MAP1B: variants seen among roughly 807,000 people sequenced by gnomAD.
MAP1B encodes the protein microtubule-associated protein 1B.
In MAP1B, 12 loss-of-function variants were observed where a neutral mutation model predicts 176.1. The observed-to-expected ratio is 0.07, with a 90% CI of 0.04 to 0.11. The LOEUF is 0.11. Ranked by LOEUF, MAP1B falls within the 10% of genes least tolerant of loss-of-function variation. The pLI, the probability that MAP1B is intolerant of heterozygous loss-of-function variation, is 1.00. For missense variants in MAP1B, 2,523 were observed against 2,990.5 expected (o/e 0.84, Z 3.65); for synonymous variants, 1,044 against 1,135.0 (o/e 0.92, Z 1.61).
At chr5:72,130,262 C>T (rs1437072451) in intron 2 of MAP1B, among the ~76,000 whole-genome samples, 9 of 151,624 alleles carry the variant, frequency 5.9e-5, no homozygotes, top group Non-Finnish European at 8.8e-5. Flanking sequence ...TTAATCTTTC[C>T]GAATTCTAAC....
intron 2 of MAP1B, among the ~76,000 whole-genome samples, chr5:72,162,295 C>T (rs2337693): frequency 0.45 from 68,979 of 152,020 alleles, 16,569 homozygotes; most frequent in South Asian, 0.6. Flanking sequence ...GTAAAAGTCA[C>T]TGTCAGTGTG....
chr5:72,147,808 A>G (rs1746073055), intron 2 of MAP1B, among the ~76,000 whole-genome samples: 1 of 152,174 alleles, frequency 6.6e-6, no homozygotes. Context: ...TGCCTGGGAA[A>G]CTTGCTGACT....
rs1431464043 is a variant in MAP1B at position 72,119,007 on chromosome 5, T to C, written c.286+3208T>C. 5.3e-5 allele frequency among the ~76,000 whole-genome samples: 8 copies of C among 152,334 alleles called. No individual in the cohort carries two copies. The South Asian group carries it at 1.2e-3, about 24-fold the overall frequency. ...TATCCCTTATACTAGTTTTTAAATA[T>C]GGTTTTGAGATTTGATTTGACTATT... On this transcript the variant is annotated intron_variant, in intron 2 of 6. Coordinates refer to ENST00000296755, the MANE Select transcript of MAP1B (RefSeq NM_005909.5).
At chr5:72,123,779 C>T (rs769144189) in intron 2 of MAP1B, among the ~76,000 whole-genome samples, 32 of 152,198 alleles carry the variant, frequency 2.1e-4, no homozygotes, top group African/African-American at 3.9e-4. Context: ...CCACCGCACC[C>T]GGCCTATGCC....
At chr5:72,113,080 A>T (rs940743831) in intron 1 of MAP1B, among the ~76,000 whole-genome samples, 3 of 152,164 alleles carry the variant, frequency 2.0e-5, no homozygotes, top group African/African-American at 7.2e-5. Flanking sequence ...AACTACATAA[A>T]CCTACTAAAT....
chr5:72,160,256 T>C (rs1215630068), intron 2 of MAP1B, among the ~76,000 whole-genome samples: 1 of 152,040 alleles, frequency 6.6e-6, no homozygotes, highest in African/African-American at 2.4e-5. Flanking sequence ...AAACTTTCTG[T>C]ATTCATTCCG....
chr5:72,124,759 C>G (rs932404408), intron 2 of MAP1B, among the ~76,000 whole-genome samples: 1 of 152,216 alleles, frequency 6.6e-6, no homozygotes. Flanking sequence ...CACTGTTGAG[C>G]ATTGTGGCTC....
chr5:72,171,154 T>C (rs1354608424), intron 2 of MAP1B, among the ~76,000 whole-genome samples: 1 of 151,842 alleles, frequency 6.6e-6, no homozygotes, highest in Admixed American at 6.6e-5. Context: ...GGAAAAAGGG[T>C]AAAGAGGAAA....
chr5:72,195,686 G>C lies in MAP1B; in HGVS notation c.2331G>C (p.Lys777Asn), dbSNP rs1478110489. The C allele has an allele frequency of 6.2e-7, 1 of 1,614,208 alleles. No homozygotes were observed. Among genetic ancestry groups the C allele is most frequent in the Non-Finnish European group, 8.5e-7 (1 of 1,180,028 alleles). Residue 777 changes from lysine to asparagine, a missense_variant, in exon 5 of 7, where the codon AAG (lysine) becomes AAC (asparagine). Lys to Asn is a moderately conservative substitution (Grantham distance 94). Around this residue, in one of 4 missense-constraint regions of MAP1B, gnomAD observed 1,925 missense variants for 2,126.0 expected, o/e 0.91. Coordinates refer to ENST00000296755, the MANE Select transcript of MAP1B (RefSeq NM_005909.5). ...KKDSVAAGKP[K>N]EKGKIKVIKK... ...ATTCTGTTGCTGCCGGAAAGCCAAAGGAGAAGGGGAAAATAAAAGTCATTA... is the reference window on the plus strand; with the variant it reads ...ATTCTGTTGCTGCCGGAAAGCCAAACGAGAAGGGGAAAATAAAAGTCATTA...
At position 72,195,153 on chromosome 5, in the gene MAP1B, C is replaced by T; in HGVS notation, c.1798C>T (p.Pro600Ser). Residue 600 changes from proline to serine, a missense_variant, in exon 5 of 7, where the codon CCT becomes TCT. Pro to Ser is a moderately conservative substitution (Grantham distance 74). Around this residue, in one of 4 missense-constraint regions of MAP1B, gnomAD observed 1,925 missense variants for 2,126.0 expected, o/e 0.91. Coordinates refer to ENST00000296755, the MANE Select transcript of MAP1B (RefSeq NM_005909.5). ...CAAGCCAATAAAAACAGAGACCAAA[C>T]CTTCAGTGACTGAAAAGGAGGTTCC... ...KDKPIKTETK[P>S]SVTEKEVPSK... 2 of 1,613,432 alleles carry T rather than the reference C, an allele frequency of 1.2e-6. No homozygotes were observed. The highest frequency in any genetic ancestry group is 1.7e-6 in the Non-Finnish European group (2 of 1,179,728).
rs11330287 is a variant in MAP1B at position 72,155,766 on chromosome 5, C to CTTTTT, written c.287-27963_287-27959dup. Among the ~76,000 whole-genome samples, 184 of 126,456 alleles carry CTTTTT rather than the reference C, an allele frequency of 1.5e-3. 1 individual carries two copies. Among genetic ancestry groups the CTTTTT allele is most frequent in the Non-Finnish European group, 1.9e-3 (118 of 60,600 alleles). 83.0% of individuals were successfully genotyped at this position (126,456 alleles called of 152,430 possible). A position where few individuals can be genotyped will look rare whatever the true frequency, so the allele number is the denominator to read the frequency against. ...GTAATTGATTGATTGATTTTCTTTT[C>CTTTTT]TTTTTTTTTTTTTTTTTTGAGACGG... On this transcript the variant is annotated intron_variant, in intron 2 of 6. Transcript: ENST00000296755.
At chr5:72,109,120 T>G (rs543348036) in intron 1 of MAP1B, among the ~76,000 whole-genome samples, 1 of 152,150 alleles carries the variant, frequency 6.6e-6, no homozygotes, top group Non-Finnish European at 1.5e-5. Context: ...GTCATCTGCC[T>G]CTGCAGTTGG....
At position 72,198,357 on chromosome 5, in the gene MAP1B, G is replaced by A; in HGVS notation, c.5002G>A (p.Asp1668Asn). The A allele has an allele frequency of 6.2e-7, 1 of 1,614,188 alleles. No individual in the cohort carries two copies. The highest frequency in any genetic ancestry group is 8.5e-7 in the Non-Finnish European group (1 of 1,180,030). ...LAMDFSRQSP[D>N]HPTVGAGVLH... ...TATGGACTTCAGTCGACAGTCTCCA[G>A]ATCACCCTACAGTGGGTGCAGGCGT... Residue 1668 changes from aspartate to asparagine, a missense_variant, in exon 5 of 7, where the codon GAT becomes AAT. Physicochemically the swap from Asp to Asn is conservative, Grantham distance 23. Transcript: ENST00000296755.
intron 2 of MAP1B, among the ~76,000 whole-genome samples, chr5:72,169,948 G>A (rs1226285788): frequency 6.6e-6 from 1 of 152,142 alleles, no homozygotes; most frequent in Non-Finnish European, 1.5e-5. Flanking sequence ...ATTTAAGTAG[G>A]TATGATGCCT....
In MAP1B at chr5:72,207,626, A is replaced by T. The variant is rs1463976484; in HGVS notation, c.*2387A>T. The T allele has an allele frequency of 6.6e-6, 1 of 152,222 alleles. No homozygotes were observed. The highest frequency in any genetic ancestry group is 1.5e-5 in the Non-Finnish European group (1 of 68,042). 9.4% of individuals were successfully genotyped at this position (152,222 alleles called of 1,614,324 possible). On this transcript the variant is annotated 3_prime_UTR_variant, in exon 7 of 7. Coordinates refer to ENST00000296755, the MANE Select transcript of MAP1B (RefSeq NM_005909.5). Reference sequence around the variant, plus strand: ...AACACATGATGGAAAAGTCATTGTGACGCCAATGAATTTCATTGAGTATAA... The same window carrying T: ...AACACATGATGGAAAAGTCATTGTGTCGCCAATGAATTTCATTGAGTATAA...
intron 2 of MAP1B, among the ~76,000 whole-genome samples, chr5:72,124,537 G>A (rs1745588595): frequency 6.6e-6 from 1 of 152,184 alleles, no homozygotes; most frequent in Non-Finnish European, 1.5e-5. Flanking sequence ...CCTCTCTGCA[G>A]TTGTACCGCA....
intron 2 of MAP1B, among the ~76,000 whole-genome samples, chr5:72,141,824 A>G (rs1016375870): frequency 1.3e-5 from 2 of 152,238 alleles, no homozygotes; most frequent in African/African-American, 4.8e-5. Context: ...GTTAAAAAAG[A>G]TAGAGAAAAT....
chr5:72,184,214 A>G (rs1282648210), intron 3 of MAP1B, among the ~76,000 whole-genome samples: 2 of 152,218 alleles, frequency 1.3e-5, no homozygotes, highest in Admixed American at 1.3e-4. Context: ...TGGCATCTCA[A>G]GAATGGCATC....
At chr5:72,183,535 A>G (rs753088080) in intron 2 of MAP1B, among the ~76,000 whole-genome samples, 1 of 152,200 alleles carries the variant, frequency 6.6e-6, no homozygotes, top group Non-Finnish European at 1.5e-5. Context: ...CCCCGACCAC[A>G]CAAACCCAGC....
Sources: allele counts gnomAD v4.1 joint callset (sites outside exome capture counted in the v4.1 genomes callset), GRCh38; gene constraint gnomAD v4.1.1; regional missense constraint gnomAD v4.1.1; transcripts MANE v1.5; gene names NCBI Gene and HGNC (gene_info 2026-07-23, HGNC 2026-07-21).